Variants in DOK6 observed in about 807,000 individuals in gnomAD.
The protein encoded by DOK6 is downstream of tyrosine kinase 6.
In DOK6, 22 loss-of-function variants were observed where a neutral mutation model predicts 44.0. The ratio of observed to expected loss-of-function variants is 0.50; its 90% CI spans 0.36 to 0.71. DOK6 has a LOEUF of 0.71. DOK6 is among the 30% of genes least tolerant of loss of function. DOK6 has a pLI of 0.00. For synonymous variants in DOK6, 166 were observed against 145.5 expected, an observed-to-expected ratio of 1.14 and a Z score of -1.01; for missense variants, 340 against 416.4, an observed-to-expected ratio of 0.82 and a Z score of 1.60.
chr18:69,724,171 GA>G (rs956690091), intron 5 of DOK6, among the ~76,000 whole-genome samples: 2 of 151,900 alleles, frequency 1.3e-5, no homozygotes, highest in African/African-American at 4.8e-5. Context: ...TCCCTGAATA[GA>G]AAAAAATAGT....
intron 1 of DOK6, among the ~76,000 whole-genome samples, chr18:69,514,274 GA>G (rs1031414141): frequency 4.0e-5 from 6 of 151,708 alleles, no homozygotes; most frequent in African/African-American, 1.5e-4. Context: ...AGGGAAACAA[GA>G]AAAAAGGAGG....
At chr18:69,803,723 G>C (rs1980970362) in intron 7 of DOK6, among the ~76,000 whole-genome samples, 1 of 152,122 alleles carries the variant, frequency 6.6e-6, no homozygotes, top group South Asian at 2.1e-4. Context: ...GCCGAGTGTG[G>C]TGGTGGACGC....
At chr18:69,766,191 A>G (rs999911178) in intron 7 of DOK6, among the ~76,000 whole-genome samples, 13 of 152,226 alleles carry the variant, frequency 8.5e-5, no homozygotes, top group African/African-American at 3.1e-4. Context: ...ATTCTCACTC[A>G]TAAGTGGGAG....
intron 1 of DOK6, among the ~76,000 whole-genome samples, chr18:69,527,498 GT>G (rs1478411019): frequency 6.6e-6 from 1 of 152,152 alleles, no homozygotes; most frequent in Non-Finnish European, 1.5e-5. Flanking sequence ...GAACAGCATG[GT>G]GGTAACTGCC....
At chr18:69,593,424 A>G (rs1983667640) in intron 2 of DOK6, among the ~76,000 whole-genome samples, 1 of 152,040 alleles carries the variant, frequency 6.6e-6, no homozygotes, top group African/African-American at 2.4e-5. Context: ...ACTCTTCATT[A>G]TATTTTTCTT....
chr18:69,590,047 A>G (rs1983589942), intron 2 of DOK6, among the ~76,000 whole-genome samples: 1 of 152,074 alleles, frequency 6.6e-6, no homozygotes, highest in African/African-American at 2.4e-5. Context: ...AATAAATCCT[A>G]TTCTTCAGTC....
At chr18:69,841,095 T>C in intron 7 of DOK6, 149 bp from the exon 8 acceptor site, 1 of 950,948 alleles carries the variant, frequency 1.1e-6, no homozygotes, top group Non-Finnish European at 1.5e-6. Context: ...CCAACTTATC[T>C]TGAGCTCAAT....
At position 69,435,076 on chromosome 18, in the gene DOK6, AAGGAAG is replaced by A. The variant is rs1368767585; in HGVS notation, c.66+33767_66+33772del. On this transcript the variant is annotated intron_variant, in intron 1 of 7. Transcript: ENST00000382713. ...GAAGGAAGGAAGGAAGGAAGGAAGG[AAGGAAG>A]GAAGGAAGGAAAGAAGGAAGAAAGA... 1.1e-3 allele frequency among the ~76,000 whole-genome samples: 161 copies of A among 149,926 alleles called. 3 individuals are homozygous for A. The highest frequency in any genetic ancestry group is 3.8e-3 in the African/African-American group (152 of 40,018).
Position 69,564,608 on chromosome 18 carries a change from C to T in DOK6, c.174+14C>T. 1 of 1,591,136 alleles carries T rather than the reference C, an allele frequency of 6.3e-7. No individual in the cohort carries two copies. The highest frequency in any genetic ancestry group is 8.6e-7 in the Non-Finnish European group (1 of 1,164,710). On this transcript the variant is annotated intron_variant, in intron 2 of 7. Transcript: ENST00000382713. ...AACTTTCATAAGGTAAGTCACAGTC[C>T]TGGGAGTCCCTGGGGAATAACTGGG...
chr18:69,826,862 C>G (rs531807372), intron 7 of DOK6, among the ~76,000 whole-genome samples: 1 of 152,266 alleles, frequency 6.6e-6, no homozygotes, highest in African/African-American at 2.4e-5. Flanking sequence ...CATACCCACC[C>G]CTTCTGGTCC....
chr18:69,426,832 CTTTA>C lies in DOK6; in HGVS notation c.66+25526_66+25529del, dbSNP rs950615763. On this transcript the variant is annotated intron_variant, in intron 1 of 7. Transcript: ENST00000382713. ...AGTTATTTGACTTTTTTGTACTCTCCTTTATTTCTTTTTTTAACTTCTATTTTAA... is the reference window on the plus strand; with the variant it reads ...AGTTATTTGACTTTTTTGTACTCTCCTTTCTTTTTTTAACTTCTATTTTAA... Among the ~76,000 whole-genome samples, 9 of 151,990 alleles carry C rather than the reference CTTTA, an allele frequency of 5.9e-5. 1 individual carries two copies. Among genetic ancestry groups the C allele is most frequent in the Admixed American group, 3.9e-4 (6 of 15,254 alleles).
chr18:69,691,158 G>C (rs767867572), intron 4 of DOK6, among the ~76,000 whole-genome samples: 5 of 150,950 alleles, frequency 3.3e-5, no homozygotes, highest in Non-Finnish European at 4.4e-5. Context: ...ACTCCAGCCC[G>C]GGCGACAAGA....
chr18:69,831,970 A>G (rs1401111647), intron 7 of DOK6, among the ~76,000 whole-genome samples: 4 of 152,222 alleles, frequency 2.6e-5, no homozygotes, highest in Non-Finnish European at 4.4e-5. Flanking sequence ...ATATGAGATC[A>G]TAACAACTTC....
chr18:69,834,868 T>G (rs1029731647), intron 7 of DOK6, among the ~76,000 whole-genome samples: 11 of 152,180 alleles, frequency 7.2e-5, no homozygotes, highest in Admixed American at 7.2e-4. Context: ...AGAGAAGACA[T>G]TTAATTGACT....
In DOK6 at chr18:69,458,280, G is replaced by T. The variant is rs149144207; in HGVS notation, c.66+56970G>T. On this transcript the variant is annotated intron_variant, in intron 1 of 7. Coordinates refer to ENST00000382713, the MANE Select transcript of DOK6 (RefSeq NM_152721.6). Reference sequence around the variant, plus strand: ...ACAAATGTGATTCACCACATAAAAAGAATTAAAAGCAAAAACATATATCAT... The same window carrying T: ...ACAAATGTGATTCACCACATAAAAATAATTAAAAGCAAAAACATATATCAT... Among the ~76,000 whole-genome samples the T allele has an allele frequency of 3.1e-3, 469 of 152,256 alleles. 3 individuals are homozygous for T. The highest frequency in any genetic ancestry group is 0.011 in the African/African-American group (450 of 41,574).
chr18:69,765,250 T>C (rs1979682256), intron 7 of DOK6, among the ~76,000 whole-genome samples: 1 of 152,200 alleles, frequency 6.6e-6, no homozygotes, highest in Non-Finnish European at 1.5e-5. Context: ...TTAAAAAATA[T>C]AGAAATTTGC....
chr18:69,444,159 AT>A (rs1979214661), intron 1 of DOK6, among the ~76,000 whole-genome samples: 1 of 152,186 alleles, frequency 6.6e-6, no homozygotes, highest in East Asian at 1.9e-4. Context: ...CTTCGAGGAA[AT>A]GGCTGAGCTC....
chr18:69,407,056 G>A (rs1916219359), intron 1 of DOK6, among the ~76,000 whole-genome samples: 1 of 152,150 alleles, frequency 6.6e-6, no homozygotes, highest in Admixed American at 6.5e-5. Context: ...ACTCCAGTCT[G>A]GGCAACAAGA....
intron 1 of DOK6, among the ~76,000 whole-genome samples, chr18:69,553,263 A>G (rs1982608683): frequency 6.6e-6 from 1 of 152,232 alleles, no homozygotes; most frequent in Non-Finnish European, 1.5e-5. Context: ...GAAATCCGTA[A>G]CAGTTGTGCA....
Sources: allele counts gnomAD v4.1 joint callset (sites outside exome capture counted in the v4.1 genomes callset), GRCh38; gene constraint gnomAD v4.1.1; transcripts MANE v1.5; gene names NCBI Gene and HGNC (gene_info 2026-07-23, HGNC 2026-07-21).